The following ATM variants were observed in gnomAD, a reference collection of about 807,000 sequenced individuals.
ATM encodes the protein ATM serine/threonine kinase.
ATM carries 308 observed loss-of-function variants against 387.0 expected under a neutral mutation model. The observed-to-expected ratio is 0.80, with a 90% CI of 0.73 to 0.87. ATM has a LOEUF of 0.87. Ranked by LOEUF, ATM falls within the 40% of genes least tolerant of loss-of-function variation. The pLI is 0.00. For synonymous variants in ATM, 1,156 were observed against 1,187.3 expected, an observed-to-expected ratio of 0.97 and a Z score of 0.54; for missense variants, 3,312 against 3,560.9, an observed-to-expected ratio of 0.93 and a Z score of 1.78.
chr11:108,308,967 A>G, intron 38 of ATM: 1 of 1,502,100 alleles, frequency 6.7e-7, no homozygotes, highest in South Asian at 1.2e-5. Context: ...CATTCATTTC[A>G]GACTTACCAT....
At chr11:108,277,392 G>A (rs978354051) in intron 22 of ATM, among the ~76,000 whole-genome samples, 1 of 152,132 alleles carries the variant, frequency 6.6e-6, no homozygotes, top group East Asian at 1.9e-4. Flanking sequence ...TCTCGCTGGC[G>A]TTCCAGGTGC....
intron 59 of ATM, among the ~76,000 whole-genome samples, chr11:108,348,834 T>C (rs1369424090): frequency 2.0e-5 from 3 of 152,220 alleles, no homozygotes; most frequent in Non-Finnish European, 4.4e-5. Flanking sequence ...AATTCTCTTC[T>C]GCATAAGTTA....
At position 108,310,383 on chromosome 11, in the gene ATM, A is replaced by T. The variant is rs760981819; in HGVS notation, c.5918+68A>T. The T allele has an allele frequency of 3.4e-6, 5 of 1,467,936 alleles. No individual in the cohort carries two copies. In the Admixed American group the frequency reaches 8.9e-5, roughly 26 times the overall value. The allele number at this position is 1,467,936 out of a possible 1,614,324, so 90.9% of individuals were successfully genotyped here. A position where few individuals can be genotyped will look rare whatever the true frequency, so the allele number is the denominator to read the frequency against. On this transcript the variant is annotated intron_variant, in intron 39 of 62. Transcript: ENST00000675843. ...CATTGTCTCAATAAGGGTATATAGT[A>T]AAGATTTATTTTGCCTCCTGTTCCC...
At chr11:108,265,431 T>C (rs927339050) in intron 16 of ATM, among the ~76,000 whole-genome samples, 3 of 152,344 alleles carry the variant, frequency 2.0e-5, no homozygotes, top group East Asian at 1.9e-4. Context: ...GCTAGCCATA[T>C]GTAGAAAGCT....
At chr11:108,300,568 C>T (rs1021474736) in intron 34 of ATM, among the ~76,000 whole-genome samples, 2 of 152,152 alleles carry the variant, frequency 1.3e-5, no homozygotes, top group African/African-American at 4.8e-5. Flanking sequence ...TTTTTCTGTA[C>T]TTCCCTTCCT....
rs190023130 is a variant in ATM, at chr11:108,365,780, G to A, written c.*272G>A. On this transcript the variant is annotated 3_prime_UTR_variant, in exon 63 of 63. Coordinates refer to ENST00000675843, the MANE Select transcript of ATM (RefSeq NM_000051.4). The stretch of plus-strand genomic sequence containing the variant: ...TGTAATCCCAGCACTTTGGGAGGCC[G>A]AGGTGAGCGGATCACAAGGTCAGGA... 370 of 441,836 alleles carry A rather than the reference G, an allele frequency of 8.4e-4. 2 individuals are homozygous for A. In the East Asian group the frequency reaches 0.013, roughly 16 times the overall value. 27.4% of individuals were successfully genotyped at this position (441,836 alleles called of 1,614,324 possible).
intron 55 of ATM, chr11:108,335,414 C>A: frequency 1.5e-6 from 1 of 664,370 alleles, no homozygotes; most frequent in South Asian, 1.9e-5. Context: ...CTCTTATTTC[C>A]TTGAATAGTG....
rs543104241 is a variant in ATM at position 108,278,988 on chromosome 11, CAA to C, written c.3285-501_3285-500del. 1.2e-4 allele frequency among the ~76,000 whole-genome samples: 19 copies of C among 152,258 alleles called. 1 individual carries two copies. In the East Asian group the frequency reaches 3.7e-3, roughly 29 times the overall value. On this transcript the variant is annotated intron_variant, in intron 22 of 62. Transcript: ENST00000675843. ...TCGATTACTAAAAAAGGATAAAAGA[CAA>C]AGTTGATTAAAGAGTTATCCTTAAA... is the stretch of plus-strand genomic sequence containing the variant.
In ATM at chr11:108,302,968, C is replaced by CT. The variant is rs1555106508; in HGVS notation, c.5441dup (p.Leu1814PhefsTer9). On this transcript the variant is annotated frameshift_variant, in exon 36 of 63. Coordinates refer to ENST00000675843, the MANE Select transcript of ATM (RefSeq NM_000051.4). LOFTEE classifies it high-confidence loss of function. ...ATTTGGATAAAGACACTGACTTGTG[C>CT]TTTTTTGGACAGTGGAGGCACAAAA... 1.2e-6 allele frequency: 2 copies of CT among 1,613,372 alleles called. No individual in the cohort carries two copies. The highest frequency in any genetic ancestry group is 1.7e-6 in the Non-Finnish European group (2 of 1,179,480).
At chr11:108,264,170 C>T (rs1289105935) in intron 16 of ATM, among the ~76,000 whole-genome samples, 1 of 151,930 alleles carries the variant, frequency 6.6e-6, no homozygotes, top group Admixed American at 6.5e-5. Flanking sequence ...CAGGCAGAGA[C>T]ACAACCAAAA....
intron 45 of ATM, 97 bp downstream of exon 45, chr11:108,321,517 T>C (rs1444656720): frequency 1.3e-6 from 2 of 1,553,872 alleles, no homozygotes; most frequent in Non-Finnish European, 1.8e-6. Flanking sequence ...GCACGGTGGC[T>C]CATGCCTGTA....
chr11:108,282,390 A>G (rs1410694026), intron 24 of ATM, among the ~76,000 whole-genome samples: 1 of 152,116 alleles, frequency 6.6e-6, no homozygotes, highest in African/African-American at 2.4e-5. Flanking sequence ...AGACTCCCAA[A>G]GCGTTGGGAT....
chr11:108,354,215 C>T (rs1197586394), intron 60 of ATM, among the ~76,000 whole-genome samples: 2 of 152,078 alleles, frequency 1.3e-5, no homozygotes, highest in Admixed American at 6.6e-5. Flanking sequence ...GTTCCTCTTC[C>T]TTCCACCCAC....
intron 22 of ATM, among the ~76,000 whole-genome samples, chr11:108,278,125 A>C (rs2082043976): frequency 6.6e-6 from 1 of 152,236 alleles, no homozygotes; most frequent in African/African-American, 2.4e-5. Context: ...CAATAATAAA[A>C]GATTACTATA....
At chr11:108,303,788 A>G (rs1039453378) in intron 36 of ATM, among the ~76,000 whole-genome samples, 1 of 152,192 alleles carries the variant, frequency 6.6e-6, no homozygotes, top group Non-Finnish European at 1.5e-5. Flanking sequence ...TACCCTGAAC[A>G]CACATACAGC....
chr11:108,331,526 G>A lies in ATM; in HGVS notation c.7598G>A (p.Gly2533Glu), dbSNP rs864622688. The change falls in exon 51 of 63, where the codon GGA becomes GAA. Residue 2533 changes from glycine (G) to glutamate (E), a missense_variant. This residue lies in a region of ATM where 1,405 missense variants were observed against 1,604.4 expected (regional missense o/e 0.88). Coordinates refer to ENST00000675843, the MANE Select transcript of ATM (RefSeq NM_000051.4). Reference sequence around the variant, plus strand: ...GCTAGAATGGGGACCAAGATGATGGGAGGCCTAGGATTTCATGAAGTCCTC... The same window carrying A: ...GCTAGAATGGGGACCAAGATGATGGAAGGCCTAGGATTTCATGAAGTCCTC... ...LAARMGTKMM[G>E]GLGFHEVLNN... is the part of the protein sequence containing the mutation. The A allele has an allele frequency of 6.2e-7, 1 of 1,612,914 alleles. No homozygotes were observed. Among genetic ancestry groups the A allele is most frequent in the Non-Finnish European group, 8.5e-7 (1 of 1,179,622 alleles).
At chr11:108,262,528 C>G (rs976803951) in intron 16 of ATM, among the ~76,000 whole-genome samples, 4 of 152,248 alleles carry the variant, frequency 2.6e-5, no homozygotes, top group Non-Finnish European at 5.9e-5. Context: ...GCTGCAAAAT[C>G]ATGCCAAAAT....
intron 45 of ATM, among the ~76,000 whole-genome samples, chr11:108,324,495 C>G (rs1038033657): frequency 6.6e-6 from 1 of 151,998 alleles, no homozygotes; most frequent in African/African-American, 2.4e-5. Context: ...TCTTTGGGGT[C>G]TTCAATAATT....
At chr11:108,225,453 G>A (rs1393167014) in intron 1 of ATM, 1 of 152,196 alleles carries the variant, frequency 6.6e-6, no homozygotes, top group African/African-American at 2.4e-5. Flanking sequence ...TAATAAAATG[G>A]GTAGTCAGCT....
Sources: allele counts gnomAD v4.1 joint callset (sites outside exome capture counted in the v4.1 genomes callset), GRCh38; gene constraint gnomAD v4.1.1; regional missense constraint gnomAD v4.1.1; transcripts MANE v1.5; gene names NCBI Gene and HGNC (gene_info 2026-07-23, HGNC 2026-07-21).